The following DIAPH2 variants were observed in gnomAD, a reference collection of about 807,000 sequenced individuals.
DIAPH2 encodes protein diaphanous homolog 2.
Under a neutral mutation model 92.7 loss-of-function variants are expected in DIAPH2, and 35 were observed. The ratio of observed to expected loss-of-function variants is 0.38; its 90% CI spans 0.29 to 0.50. The LOEUF (loss-of-function observed/expected upper bound fraction) is 0.50, where lower values mean the gene tolerates loss of function less well. DIAPH2 is among the 20% of genes least tolerant of loss of function. DIAPH2 has a pLI of 0.94. For synonymous variants in DIAPH2, 301 were observed against 280.4 expected, an observed-to-expected ratio of 1.07 and a Z score of -0.73; for missense variants, 701 against 819.5, an observed-to-expected ratio of 0.86 and a Z score of 1.77.
intron 26 of DIAPH2, among the ~76,000 whole-genome samples, chrX:97,515,394 T>A (rs1391274943): frequency 4.5e-5 from 5 of 111,433 alleles, no homozygotes; most frequent in South Asian, 3.8e-4. Flanking sequence ...GCACCCACTG[T>A]CCTGCGCCCA....
intron 9 of DIAPH2, among the ~76,000 whole-genome samples, chrX:96,922,448 A>G (rs1341018295): frequency 9.0e-6 from 1 of 110,976 alleles, no homozygotes; most frequent in Non-Finnish European, 1.9e-5. Flanking sequence ...AATCTAACCC[A>G]TTCTACTTCC....
chrX:96,905,422 A>G (rs1009780442), intron 5 of DIAPH2, among the ~76,000 whole-genome samples: 5 of 111,408 alleles, frequency 4.5e-5, no homozygotes, highest in Admixed American at 1.9e-4. Context: ...ATAAGAATCT[A>G]TGAGGGAGCA....
intron 23 of DIAPH2, among the ~76,000 whole-genome samples, chrX:97,319,980 A>G (rs1483111050): frequency 9.4e-6 from 1 of 106,549 alleles, no homozygotes; most frequent in Non-Finnish European, 1.9e-5. Context: ...TGTGCCTGTA[A>G]TCACAGTTAC....
intron 21 of DIAPH2, among the ~76,000 whole-genome samples, 193 bp downstream of exon 21, chrX:97,115,158 T>C (rs754359611): frequency 1.8e-5 from 2 of 112,329 alleles, no homozygotes; most frequent in Non-Finnish European, 3.8e-5. Context: ...AAGACTTGAA[T>C]ATTCTTTTGG....
At chrX:97,593,749 T>TAACA (rs1306206074) in intron 26 of DIAPH2, among the ~76,000 whole-genome samples, 1 of 111,385 alleles carries the variant, frequency 9.0e-6, no homozygotes, top group Non-Finnish European at 1.9e-5. Flanking sequence ...TTAGTATCCC[T>TAACA]AACATGTACC....
chrX:97,254,250 G>C (rs1244387617), intron 23 of DIAPH2, among the ~76,000 whole-genome samples: 1 of 111,344 alleles, frequency 9.0e-6, no homozygotes, highest in Non-Finnish European at 1.9e-5. Context: ...CCAGCACTTT[G>C]GGAGGCCAAG....
chrX:97,585,832 C>T (rs912995791), intron 26 of DIAPH2, among the ~76,000 whole-genome samples: 1 of 111,879 alleles, frequency 8.9e-6, no homozygotes, highest in Admixed American at 9.5e-5. Context: ...CTCCATATTT[C>T]TAAATCTGAT....
chrX:96,915,012 T>A (rs2147781903), intron 7 of DIAPH2, among the ~76,000 whole-genome samples: 1 of 111,286 alleles, frequency 9.0e-6, no homozygotes, highest in South Asian at 3.8e-4. Context: ...GATTACCTAC[T>A]TCAAAAACTC....
At chrX:97,170,559 T>A (rs2067444679) in intron 22 of DIAPH2, among the ~76,000 whole-genome samples, 1 of 111,346 alleles carries the variant, frequency 9.0e-6, no homozygotes, top group African/African-American at 3.3e-5. Context: ...AAGAACAAGA[T>A]TGGAGGAGAT....
intron 26 of DIAPH2, among the ~76,000 whole-genome samples, chrX:97,439,046 G>A (rs1270785033): frequency 1.8e-5 from 2 of 111,870 alleles, no homozygotes; most frequent in African/African-American, 6.5e-5. Flanking sequence ...AACATTTATG[G>A]CTCATACAAA....
At chrX:96,694,329 G>A (rs1046202264) in intron 1 of DIAPH2, among the ~76,000 whole-genome samples, 1 of 108,344 alleles carries the variant, frequency 9.2e-6, no homozygotes, top group Non-Finnish European at 1.9e-5. Flanking sequence ...ATATGGTTAC[G>A]CATTATCTAG....
At chrX:97,295,532 T>A (rs1465679667) in intron 23 of DIAPH2, among the ~76,000 whole-genome samples, 1 of 111,313 alleles carries the variant, frequency 9.0e-6, no homozygotes, top group Non-Finnish European at 1.9e-5. Context: ...TCCTCAGAAC[T>A]ATCCTATGAG....
chrX:97,385,911 A>C (rs1017256677), intron 25 of DIAPH2, among the ~76,000 whole-genome samples: 1 of 112,390 alleles, frequency 8.9e-6, no homozygotes. Flanking sequence ...GCCCAAGGTC[A>C]CAATGATAGT....
At chrX:96,693,824 C>T (rs886519193) in intron 1 of DIAPH2, among the ~76,000 whole-genome samples, 3 of 112,431 alleles carry the variant, frequency 2.7e-5, no homozygotes, top group Non-Finnish European at 3.8e-5. Context: ...CACCTGAGGT[C>T]AGAAGTTTGA....
chrX:97,278,160 C>T (rs911835975), intron 23 of DIAPH2, among the ~76,000 whole-genome samples: 1 of 112,180 alleles, frequency 8.9e-6, no homozygotes, highest in African/African-American at 3.2e-5. Context: ...AGCTTTTTAA[C>T]TAGAGATTTT....
At chrX:96,898,694 G>T (rs967130777) in intron 5 of DIAPH2, among the ~76,000 whole-genome samples, 9 of 107,209 alleles carry the variant, frequency 8.4e-5, no homozygotes, top group Non-Finnish European at 1.5e-4. Context: ...TCACTCTGAT[G>T]GTAGTTCTTT....
chrX:96,741,387 C>T (rs779603160), intron 3 of DIAPH2, among the ~76,000 whole-genome samples: 1 of 109,401 alleles, frequency 9.1e-6, no homozygotes, highest in East Asian at 2.9e-4. Context: ...GTTTCCATCC[C>T]ACCATTCTAT....
At position 96,865,788 on chromosome X, in the gene DIAPH2, T is replaced by C. The variant is rs144487524; in HGVS notation, c.448-15791T>C. 7.4e-3 allele frequency among the ~76,000 whole-genome samples: 835 copies of C among 112,196 alleles called. 5 individuals are homozygous for C. The highest frequency in any genetic ancestry group is 0.012 in the Non-Finnish European group (664 of 53,211). On this transcript the variant is annotated intron_variant, in intron 4 of 26. Coordinates refer to ENST00000324765, the MANE Select transcript of DIAPH2 (RefSeq NM_006729.5). ...GGATTAGGATAATAAATTTAGTGAG[T>C]AGTACAGTGAATGGCACATAGTACA...
In DIAPH2 at chrX:97,114,587, A is replaced by G. The variant is rs372063171; in HGVS notation, c.2350-139A>G. The G allele has an allele frequency of 2.6e-5, 15 of 578,546 alleles. No homozygotes were observed. The African/African-American group carries it at 3.2e-4, about 12-fold the overall frequency. 47.7% of individuals were successfully genotyped at this position (578,546 alleles called of 1,213,427 possible). ...ACTATTTCTTTGGAATGTTTAAAACAAAAAAGATTTTTAAAATCCCAGAGC... is the reference window on the plus strand; with the variant it reads ...ACTATTTCTTTGGAATGTTTAAAACGAAAAAGATTTTTAAAATCCCAGAGC... On this transcript the variant is annotated intron_variant, in intron 20 of 26. Coordinates refer to ENST00000324765, the MANE Select transcript of DIAPH2 (RefSeq NM_006729.5).
Sources: gnomAD v4.1 joint callset for allele counts (sites outside exome capture counted in the v4.1 genomes callset) on GRCh38, gnomAD v4.1.1 for gene constraint, MANE v1.5 for transcripts, NCBI Gene and HGNC (gene_info 2026-07-23, HGNC 2026-07-21) for gene names.